Variants in TMEM232 observed in about 807,000 individuals in gnomAD.
The protein encoded by TMEM232 is transmembrane protein 232.
A neutral mutation model predicts 78.8 loss-of-function variants in TMEM232; 80 were observed. The observed-to-expected ratio is 1.01, with a 90% CI of 0.85 to 1.22. The LOEUF is 1.22. Ranked by LOEUF, TMEM232 falls within the 50% of genes most tolerant of loss-of-function variation. The pLI, the probability that TMEM232 is intolerant of heterozygous loss-of-function variation, is 0.00. For missense variants in TMEM232, 881 were observed against 742.2 expected (o/e 1.19, Z -2.17); for synonymous variants, 297 against 254.3 (o/e 1.17, Z -1.60).
chr5:110,394,130 TTCTACTC>T (rs1158107652), intron 3 of TMEM232, among the ~76,000 whole-genome samples: 1 of 152,174 alleles, frequency 6.6e-6, no homozygotes, highest in Admixed American at 6.6e-5. Context: ...GTAATCATCA[TTCTACTC>T]TCTTTCTCCA....
chr5:110,609,495 G>A (rs1487463901), intron 8 of TMEM232, among the ~76,000 whole-genome samples: 1 of 151,798 alleles, frequency 6.6e-6, no homozygotes, highest in African/African-American at 2.4e-5. Flanking sequence ...TTTAAGTAGT[G>A]AGAGTATTAT....
rs1054198892 is a variant in TMEM232, at chr5:110,720,916, A to G, written c.-13+5711T>C. ...AAGAGAAAATTAAATTTTAAACTGG[A>G]AAAAATAGGTAAGAACAAAATAGGG... On this transcript the variant is annotated intron_variant, in intron 1 of 13. Transcript: ENST00000455884. 37 of 152,132 alleles carry G rather than the reference A, an allele frequency of 2.4e-4. 1 individual carries two copies. Among genetic ancestry groups the G allele is most frequent in the Non-Finnish European group, 4.9e-4 (33 of 68,008 alleles). The allele number at this position is 152,132 out of a possible 1,614,324, so 9.4% of individuals were successfully genotyped here.
chr5:110,519,680 T>C (rs1769210532), intron 12 of TMEM232, among the ~76,000 whole-genome samples: 1 of 152,040 alleles, frequency 6.6e-6, no homozygotes, highest in Non-Finnish European at 1.5e-5. Flanking sequence ...CCCATGTTTA[T>C]CACAGCACTG....
rs1026128016 is a variant in TMEM232, at chr5:110,568,358, T to C, written c.1455+89A>G. The C allele has an allele frequency of 4.2e-6, 5 of 1,190,614 alleles. No homozygotes were observed. The African/African-American group carries it at 4.7e-5, about 11-fold the overall frequency. 73.8% of individuals were successfully genotyped at this position (1,190,614 alleles called of 1,614,324 possible). A position where few individuals can be genotyped will look rare whatever the true frequency, so the allele number is the denominator to read the frequency against. ...CTGTAAGTCATTAATACTCACTGAATGTAGACATTCCTTTTACCATGGAGA... is the reference window on the plus strand; with the variant it reads ...CTGTAAGTCATTAATACTCACTGAACGTAGACATTCCTTTTACCATGGAGA... On this transcript the variant is annotated intron_variant, in intron 11 of 13. Coordinates refer to ENST00000455884, the MANE Select transcript of TMEM232 (RefSeq NM_001039763.4).
At chr5:110,421,514 TA>T (rs953836354) in intron 13 of TMEM232, among the ~76,000 whole-genome samples, 2 of 151,958 alleles carry the variant, frequency 1.3e-5, no homozygotes, top group Middle Eastern at 3.2e-3. Flanking sequence ...TTATGTTGGG[TA>T]AAACATTCAG....
chr5:110,641,962 G>A (rs1311809730), intron 3 of TMEM232, among the ~76,000 whole-genome samples: 1 of 151,978 alleles, frequency 6.6e-6, no homozygotes, highest in Non-Finnish European at 1.5e-5. Flanking sequence ...TTGAGACACA[G>A]CATATCTCAA....
chr5:110,544,735 C>T (rs891159122), intron 11 of TMEM232, among the ~76,000 whole-genome samples: 1 of 151,912 alleles, frequency 6.6e-6, no homozygotes, highest in African/African-American at 2.4e-5. Context: ...TTAAGTGACT[C>T]AAAGTAGTGT....
intron 12 of TMEM232, among the ~76,000 whole-genome samples, chr5:110,464,832 GTATC>G (rs767315310): frequency 5.5e-4 from 84 of 152,120 alleles, no homozygotes; most frequent in Middle Eastern, 3.4e-3. Context: ...ATCTATCTGT[GTATC>G]TATCTATCTA....
intron 12 of TMEM232, among the ~76,000 whole-genome samples, chr5:110,526,844 T>G (rs1770674875): frequency 6.6e-6 from 1 of 151,774 alleles, no homozygotes; most frequent in Admixed American, 6.6e-5. Flanking sequence ...TTATGATATA[T>G]CCATAATAAG....
intron 12 of TMEM232, among the ~76,000 whole-genome samples, chr5:110,484,963 TA>T (rs903841791): frequency 1.5e-4 from 23 of 148,570 alleles, no homozygotes; most frequent in South Asian, 2.1e-4. Context: ...ATAGCCTTAA[TA>T]AAAAAAAAAT....
chr5:110,518,199 C>G (rs887461294), intron 12 of TMEM232, among the ~76,000 whole-genome samples: 1 of 152,058 alleles, frequency 6.6e-6, no homozygotes, highest in East Asian at 1.9e-4. Context: ...TGATCTCCAT[C>G]TGGCTTTTTA....
At chr5:110,521,733 G>A (rs1769545290) in intron 12 of TMEM232, among the ~76,000 whole-genome samples, 1 of 151,922 alleles carries the variant, frequency 6.6e-6, no homozygotes, top group African/African-American at 2.4e-5. Context: ...ATATATTCTT[G>A]GAAACCTTGT....
At chr5:110,685,427 T>C (rs1793276347) in intron 1 of TMEM232, among the ~76,000 whole-genome samples, 1 of 152,076 alleles carries the variant, frequency 6.6e-6, no homozygotes, top group South Asian at 2.1e-4. Flanking sequence ...TCATTAGTCT[T>C]TGGAAAAATT....
At chr5:110,691,517 A>C (rs1331973676) in intron 1 of TMEM232, among the ~76,000 whole-genome samples, 1 of 152,236 alleles carries the variant, frequency 6.6e-6, no homozygotes, top group African/African-American at 2.4e-5. Context: ...AATGGAAATA[A>C]AATTCTAAAA....
intron 1 of TMEM232, among the ~76,000 whole-genome samples, chr5:110,712,234 C>T (rs1439653567): frequency 6.6e-6 from 1 of 151,018 alleles, no homozygotes; most frequent in Non-Finnish European, 1.5e-5. Context: ...GCAACCAAAG[C>T]AAAAGTAGAC....
At chr5:110,493,858 T>C (rs1454646325) in intron 12 of TMEM232, among the ~76,000 whole-genome samples, 1 of 151,972 alleles carries the variant, frequency 6.6e-6, no homozygotes, top group Non-Finnish European at 1.5e-5. Flanking sequence ...GGTATACACG[T>C]GCCATGGTGG....
intron 1 of TMEM232, among the ~76,000 whole-genome samples, chr5:110,677,492 A>G (rs192493452): frequency 2.0e-5 from 3 of 152,322 alleles, no homozygotes; most frequent in East Asian, 1.9e-4. Context: ...CTAAAACAAG[A>G]TATCTCATAA....
intron 7 of TMEM232, among the ~76,000 whole-genome samples, chr5:110,619,493 T>C (rs943305832): frequency 2.6e-5 from 4 of 152,160 alleles, no homozygotes; most frequent in Non-Finnish European, 5.9e-5. Context: ...GATAAAGACA[T>C]GAGGAAGACA....
At chr5:110,512,962 G>A (rs770543953) in intron 12 of TMEM232, among the ~76,000 whole-genome samples, 16 of 152,096 alleles carry the variant, frequency 1.1e-4, no homozygotes, top group Non-Finnish European at 1.9e-4. Flanking sequence ...AAGTCCTAGG[G>A]TTGATGATTG....
Sources: gnomAD v4.1 joint callset for allele counts (sites outside exome capture counted in the v4.1 genomes callset) on GRCh38, gnomAD v4.1.1 for gene constraint, MANE v1.5 for transcripts, NCBI Gene and HGNC (gene_info 2026-07-23, HGNC 2026-07-21) for gene names.